EPHA6: variants seen among roughly 807,000 people sequenced by gnomAD.
EPHA6 encodes the protein EPH receptor A6.
In EPHA6, 50 loss-of-function variants were observed where a neutral mutation model predicts 112.0. The observed-to-expected ratio is 0.45, with a 90% CI of 0.36 to 0.56. The LOEUF (loss-of-function observed/expected upper bound fraction) is 0.56. Among genes scored for constraint, EPHA6 ranks in the 20% least tolerant of loss-of-function variants. The pLI is 0.00. For missense variants in EPHA6, 1,280 were observed against 1,417.4 expected, an observed-to-expected ratio of 0.90 and a Z score of 1.56; for synonymous variants, 529 against 490.7, an observed-to-expected ratio of 1.08 and a Z score of -1.03.
At chr3:96,938,806 T>C (rs2040758618) in intron 2 of EPHA6, among the ~76,000 whole-genome samples, 1 of 151,950 alleles carries the variant, frequency 6.6e-6, no homozygotes, top group Non-Finnish European at 1.5e-5. Context: ...TTATTGAGAG[T>C]TTTTAGCATG....
At chr3:97,319,517 A>C (rs1206586019) in intron 5 of EPHA6, among the ~76,000 whole-genome samples, 1 of 151,612 alleles carries the variant, frequency 6.6e-6, no homozygotes, top group Non-Finnish European at 1.5e-5. Context: ...AAAATGCAAA[A>C]AAATTAGCCA....
intron 3 of EPHA6, among the ~76,000 whole-genome samples, chr3:97,087,885 C>G (rs6438950): frequency 0.31 from 47,401 of 151,976 alleles, 13,353 homozygotes; most frequent in African/African-American, 0.75. Flanking sequence ...CCTTCATTTC[C>G]CATTAAAATT....
chr3:97,038,914 G>A (rs2045211377), intron 3 of EPHA6, among the ~76,000 whole-genome samples: 1 of 152,118 alleles, frequency 6.6e-6, no homozygotes, highest in East Asian at 1.9e-4. Context: ...TGTAGCCCCA[G>A]GAACTCTCTT....
At position 97,674,978 on chromosome 3, in the gene EPHA6, A is replaced by ACT. The variant is rs575717454; in HGVS notation, c.2784+36896_2784+36897insCT. On this transcript the variant is annotated intron_variant, in intron 14 of 17. Transcript: ENST00000389672. ...AAGATTCTAATACATCAAGACACACAGCCTTAGGGGGATTTTTGCTCCCAA... is the reference window on the plus strand; with the variant it reads ...AAGATTCTAATACATCAAGACACACACTGCCTTAGGGGGATTTTTGCTCCCAA... 8.6e-3 allele frequency among the ~76,000 whole-genome samples: 1,315 copies of ACT among 152,306 alleles called. 10 individuals carry two copies. The highest frequency in any genetic ancestry group is 0.013 in the Non-Finnish European group (901 of 68,026).
At chr3:97,439,685 G>A (rs1560010421) in intron 6 of EPHA6, 2 of 931,536 alleles carry the variant, frequency 2.1e-6, no homozygotes, top group Admixed American at 6.1e-5. Flanking sequence ...ATGTTTCTTT[G>A]TCATGGGTTC....
chr3:97,643,604 A>T (rs2094029708), intron 14 of EPHA6, among the ~76,000 whole-genome samples: 1 of 150,386 alleles, frequency 6.6e-6, no homozygotes. Context: ...AAGATCTACC[A>T]AGCAAATGGA....
At chr3:97,125,119 C>A (rs2048148675) in intron 3 of EPHA6, among the ~76,000 whole-genome samples, 1 of 151,286 alleles carries the variant, frequency 6.6e-6, no homozygotes, top group African/African-American at 2.5e-5. Flanking sequence ...TTTGGGCTAT[C>A]AGATTTAAAG....
chr3:96,915,284 A>G (rs928531762), intron 2 of EPHA6, among the ~76,000 whole-genome samples: 6 of 152,026 alleles, frequency 3.9e-5, no homozygotes, highest in African/African-American at 1.4e-4. Context: ...AACTATTTGT[A>G]TTTTAATGTT....
At chr3:96,969,119 G>C (rs1396071965) in intron 2 of EPHA6, among the ~76,000 whole-genome samples, 1 of 151,762 alleles carries the variant, frequency 6.6e-6, no homozygotes, top group Non-Finnish European at 1.5e-5. Context: ...GATATACTAA[G>C]ATAATTTTTA....
chr3:97,210,892 C>A (rs1489024870), intron 3 of EPHA6, among the ~76,000 whole-genome samples: 1 of 152,170 alleles, frequency 6.6e-6, no homozygotes, highest in East Asian at 1.9e-4. Context: ...GGGTCCCTCA[C>A]TTGTCCGGCA....
intron 2 of EPHA6, among the ~76,000 whole-genome samples, chr3:96,952,838 C>T (rs1339257663): frequency 6.6e-6 from 1 of 151,990 alleles, no homozygotes; most frequent in East Asian, 1.9e-4. Flanking sequence ...AGGGGAACAA[C>T]ACTGTAGTAT....
chr3:97,069,897 A>G (rs181735627), intron 3 of EPHA6, among the ~76,000 whole-genome samples: 21 of 152,220 alleles, frequency 1.4e-4, no homozygotes, highest in African/African-American at 4.6e-4. Context: ...TACATTTTCT[A>G]TATATATTAA....
intron 1 of EPHA6, among the ~76,000 whole-genome samples, chr3:96,847,130 G>A (rs2035117935): frequency 6.6e-6 from 1 of 152,008 alleles, no homozygotes; most frequent in Non-Finnish European, 1.5e-5. Context: ...ATCCAGTAGA[G>A]TGAAAGTCTA....
intron 4 of EPHA6, among the ~76,000 whole-genome samples, chr3:97,237,394 A>C (rs2078711109): frequency 6.6e-6 from 1 of 152,032 alleles, no homozygotes; most frequent in African/African-American, 2.4e-5. Context: ...AGTTGCCTAA[A>C]CACATATACT....
intron 3 of EPHA6, among the ~76,000 whole-genome samples, chr3:97,043,395 GAGC>G (rs1159506161): frequency 6.6e-6 from 1 of 152,124 alleles, no homozygotes; most frequent in African/African-American, 2.4e-5. Context: ...TTAATCCTCT[GAGC>G]AGGAATATAA....
At chr3:97,141,891 T>A (rs541497251) in intron 3 of EPHA6, among the ~76,000 whole-genome samples, 7 of 152,082 alleles carry the variant, frequency 4.6e-5, no homozygotes, top group African/African-American at 1.4e-4. Context: ...GATTAACCCT[T>A]TTCTGATTTG....
chr3:97,708,090 T>G (rs1296977087), intron 14 of EPHA6, among the ~76,000 whole-genome samples: 1 of 152,184 alleles, frequency 6.6e-6, no homozygotes, highest in Non-Finnish European at 1.5e-5. Context: ...TGGAACTGAA[T>G]AATGGGCAGA....
At chr3:97,631,281 C>G (rs1026571976) in intron 13 of EPHA6, among the ~76,000 whole-genome samples, 1 of 151,864 alleles carries the variant, frequency 6.6e-6, no homozygotes, top group African/African-American at 2.4e-5. Context: ...TCTTATGAAC[C>G]CTTTGCATTT....
At chr3:96,915,534 A>G (rs2107614064) in intron 2 of EPHA6, among the ~76,000 whole-genome samples, 1 of 152,184 alleles carries the variant, frequency 6.6e-6, no homozygotes, top group Admixed American at 6.5e-5. Context: ...AAGAACTCTG[A>G]CAGTTATTTA....
Sources: gnomAD v4.1 joint callset for allele counts (sites outside exome capture counted in the v4.1 genomes callset) on GRCh38, gnomAD v4.1.1 for gene constraint, MANE v1.5 for transcripts, NCBI Gene and HGNC (gene_info 2026-07-23, HGNC 2026-07-21) for gene names.